Variants in RAB38 observed in about 807,000 individuals in gnomAD.
RAB38 encodes the protein ras-related protein Rab-38.
RAB38 carries 15 observed loss-of-function variants against 18.4 expected under a neutral mutation model. That is an observed-to-expected ratio of 0.82 (90% CI 0.55 to 1.26). The LOEUF (loss-of-function observed/expected upper bound fraction) is 1.26, where lower values mean the gene tolerates loss of function less well. RAB38 is among the 50% of genes most tolerant of loss of function. The probability of loss-of-function intolerance (pLI) is 0.00; values close to 1 mark genes in which losing one functional copy is unlikely to be tolerated. For missense variants in RAB38, 294 were observed against 267.4 expected (o/e 1.10, Z -0.69); for synonymous variants, 101 against 104.4 (o/e 0.97, Z 0.20).
the RAB38 span, among the ~76,000 whole-genome samples, chr11:88,024,203 T>G: frequency 5.9e-5 from 9 of 151,908 alleles, no homozygotes; most frequent in African/African-American, 2.2e-4. Context: ...CTCTAATAAT[T>G]TGATAAAATA....
chr11:87,814,281 ATG>A, the RAB38 span, among the ~76,000 whole-genome samples: 7 of 152,204 alleles, frequency 4.6e-5, no homozygotes, highest in Non-Finnish European at 8.8e-5. Flanking sequence ...GAATGATTTT[ATG>A]TACTATGTAA....
the RAB38 span, among the ~76,000 whole-genome samples, chr11:87,848,802 A>G: frequency 9.9e-5 from 15 of 152,268 alleles, no homozygotes; most frequent in African/African-American, 3.6e-4. Context: ...TAACAAATTA[A>G]CTACCGGAAA....
At chr11:87,955,499 CTAAAA>C in the RAB38 span, among the ~76,000 whole-genome samples, 7 of 152,172 alleles carry the variant, frequency 4.6e-5, no homozygotes, top group Admixed American at 6.6e-5. Flanking sequence ...CTTCCTGAAT[CTAAAA>C]TAAAAGTTAA....
chr11:88,119,180 G>A (rs1000980564), intron 2 of RAB38, among the ~76,000 whole-genome samples: 5 of 151,866 alleles, frequency 3.3e-5, no homozygotes, highest in African/African-American at 4.8e-5. Flanking sequence ...CCTCCTTCCA[G>A]ACATTGATCT....
the RAB38 span, among the ~76,000 whole-genome samples, chr11:88,006,494 G>C: frequency 1.3e-5 from 2 of 150,410 alleles, no homozygotes; most frequent in Admixed American, 6.6e-5. Context: ...TATTGCTGCA[G>C]TATTCACAAT....
the RAB38 span, among the ~76,000 whole-genome samples, chr11:88,053,286 A>AAT: frequency 3.8e-5 from 2 of 52,450 alleles, no homozygotes; most frequent in Non-Finnish European, 9.8e-5. Flanking sequence ...ATATATATGG[A>AAT]ATATATATAT....
chr11:87,913,486 C>T, the RAB38 span, among the ~76,000 whole-genome samples: 1 of 152,196 alleles, frequency 6.6e-6, no homozygotes, highest in African/African-American at 2.4e-5. Context: ...ATGTTTCTTT[C>T]CATGAGTTGT....
At chr11:87,829,419 A>T in the RAB38 span, among the ~76,000 whole-genome samples, 4 of 152,200 alleles carry the variant, frequency 2.6e-5, no homozygotes, top group Admixed American at 6.5e-5. Flanking sequence ...TAATTGATTC[A>T]CAGTTCCCCA....
At chr11:87,910,237 T>C in the RAB38 span, among the ~76,000 whole-genome samples, 6 of 152,120 alleles carry the variant, frequency 3.9e-5, no homozygotes. Flanking sequence ...CAAGTTTTCA[T>C]ATGATGAATC....
intron 1 of RAB38, among the ~76,000 whole-genome samples, chr11:88,171,255 C>A (rs770968278): frequency 6.6e-6 from 1 of 151,990 alleles, no homozygotes; most frequent in Non-Finnish European, 1.5e-5. Flanking sequence ...AGACAGAAAA[C>A]GAAGGCACAG....
the RAB38 span, among the ~76,000 whole-genome samples, chr11:88,068,981 G>A: frequency 6.6e-6 from 1 of 152,214 alleles, no homozygotes; most frequent in Non-Finnish European, 1.5e-5. Flanking sequence ...GGCCGCTGCA[G>A]TGTGGGAGCC....
At chr11:88,091,998 T>C in the RAB38 span, among the ~76,000 whole-genome samples, 1 of 151,830 alleles carries the variant, frequency 6.6e-6, no homozygotes, top group African/African-American at 2.4e-5. Flanking sequence ...TTTGGGTCAT[T>C]GCCATGGAAA....
the RAB38 span, among the ~76,000 whole-genome samples, chr11:87,934,996 T>C: frequency 6.6e-6 from 1 of 151,894 alleles, no homozygotes; most frequent in African/African-American, 2.4e-5. Context: ...GTGGCCACGG[T>C]GTAGAGCCCT....
chr11:88,171,910 A>C (rs1449799130), intron 1 of RAB38, among the ~76,000 whole-genome samples: 1 of 152,248 alleles, frequency 6.6e-6, no homozygotes, highest in Non-Finnish European at 1.5e-5. Flanking sequence ...AATCAAGATA[A>C]AATTTTCAGA....
chr11:88,079,630 T>C, the RAB38 span, among the ~76,000 whole-genome samples: 1 of 151,758 alleles, frequency 6.6e-6, no homozygotes, highest in African/African-American at 2.4e-5. Context: ...CTCATGGAAA[T>C]AGATGCAATA....
the RAB38 span, among the ~76,000 whole-genome samples, chr11:87,911,274 T>C: frequency 1.3e-5 from 2 of 152,080 alleles, no homozygotes; most frequent in Non-Finnish European, 2.9e-5. Context: ...CCTTTGAATT[T>C]CCATATTAAT....
chr11:87,898,318 G>C, the RAB38 span, among the ~76,000 whole-genome samples: 1 of 151,572 alleles, frequency 6.6e-6, no homozygotes, highest in Non-Finnish European at 1.5e-5. Flanking sequence ...CTCAACCTCT[G>C]CACTCTACTT....
chr11:88,086,953 G>T, the RAB38 span, among the ~76,000 whole-genome samples: 5 of 148,938 alleles, frequency 3.4e-5, no homozygotes, highest in South Asian at 6.3e-4. Context: ...TAAAAAGCAG[G>T]CTGGACAATG....
the RAB38 span, among the ~76,000 whole-genome samples, chr11:87,923,485 A>T: frequency 1.3e-5 from 2 of 151,862 alleles, no homozygotes; most frequent in African/African-American, 4.8e-5. Context: ...ACAAACAAAC[A>T]TAATTAGTAC....
Sources: allele counts gnomAD v4.1 joint callset (sites outside exome capture counted in the v4.1 genomes callset), GRCh38; gene constraint gnomAD v4.1.1; transcripts MANE v1.5; gene names NCBI Gene and HGNC (gene_info 2026-07-23, HGNC 2026-07-21).